Variants in COL4A3 observed in about 807,000 individuals in gnomAD.
The protein encoded by COL4A3 is collagen alpha-3(IV) chain.
Under a neutral mutation model 217.4 loss-of-function variants are expected in COL4A3, and 135 were observed. The observed-to-expected ratio is 0.62, with a 90% CI of 0.54 to 0.72. The LOEUF is 0.72. Among genes scored for constraint, COL4A3 ranks in the 30% least tolerant of loss-of-function variants. COL4A3 has a pLI of 0.00. For synonymous variants in COL4A3, 690 were observed against 736.3 expected, an observed-to-expected ratio of 0.94 and a Z score of 1.02; for missense variants, 1,868 against 2,119.9, an observed-to-expected ratio of 0.88 and a Z score of 2.33.
intron 1 of COL4A3, among the ~76,000 whole-genome samples, chr2:227,172,385 G>T (rs903793619): frequency 6.6e-6 from 1 of 152,088 alleles, no homozygotes; most frequent in Admixed American, 6.5e-5. Context: ...TGCTGGTAAG[G>T]GCCCTCTTTC....
chr2:227,272,907 A>T, intron 25 of COL4A3, 42 bp from the exon 26 acceptor site: 3 of 1,599,980 alleles, frequency 1.9e-6, no homozygotes, highest in Non-Finnish European at 2.6e-6. Flanking sequence ...GTAAGAATAT[A>T]CTGGAATGAA....
intron 1 of COL4A3, among the ~76,000 whole-genome samples, chr2:227,187,114 TTTC>T (rs2066061896): frequency 6.6e-6 from 1 of 152,212 alleles, no homozygotes; most frequent in Non-Finnish European, 1.5e-5. Flanking sequence ...CAGTAATTCA[TTTC>T]TTCTATCTTT....
At chr2:227,217,401 C>A (rs909959683) in intron 1 of COL4A3, among the ~76,000 whole-genome samples, 3 of 152,188 alleles carry the variant, frequency 2.0e-5, no homozygotes, top group Non-Finnish European at 4.4e-5. Flanking sequence ...TGTAAGCAAG[C>A]AATTTGTAAG....
chr2:227,264,471 T>G (rs1338195263), intron 21 of COL4A3, among the ~76,000 whole-genome samples: 1 of 152,030 alleles, frequency 6.6e-6, no homozygotes, highest in Non-Finnish European at 1.5e-5. Flanking sequence ...CGCATGGGTG[T>G]AAGGCAACAT....
At chr2:227,221,590 G>A (rs1472655744) in intron 1 of COL4A3, 1 of 152,074 alleles carries the variant, frequency 6.6e-6, no homozygotes, top group African/African-American at 2.4e-5. Flanking sequence ...CTCCTCAGGT[G>A]AGCCCTTTCG....
chr2:227,202,789 T>C (rs1268736296), intron 1 of COL4A3, among the ~76,000 whole-genome samples: 1 of 129,748 alleles, frequency 7.7e-6, no homozygotes, highest in African/African-American at 2.8e-5. Context: ...TATATACACA[T>C]GTGTATATAT....
chr2:227,263,818 C>A lies in COL4A3; in HGVS notation c.1189C>A (p.Pro397Thr). 6.2e-7 allele frequency: 1 copy of A among 1,613,958 alleles called. No homozygotes were observed. The highest frequency in any genetic ancestry group is 1.3e-5 in the African/African-American group (1 of 75,014). The change falls in exon 21 of 52, where the codon CCA becomes ACA. Residue 397 changes from proline (P) to threonine (T), a missense_variant. Coordinates refer to ENST00000396578, the MANE Select transcript of COL4A3 (RefSeq NM_000091.5). ...RPGLRGAPGWPGLKGSKGERG... is the reference protein window; with the variant it reads ...RPGLRGAPGWTGLKGSKGERG... Reference sequence around the variant, plus strand: ...TGGCCTCAGAGGAGCCCCTGGATGGCCAGGCCTGAAAGGAAGTAAAGGGGA... The same window carrying A: ...TGGCCTCAGAGGAGCCCCTGGATGGACAGGCCTGAAAGGAAGTAAAGGGGA...
At chr2:227,274,394 A>G (rs901170872) in intron 26 of COL4A3, among the ~76,000 whole-genome samples, 9 of 152,010 alleles carry the variant, frequency 5.9e-5, no homozygotes, top group Admixed American at 3.3e-4. Flanking sequence ...AAATGTATGC[A>G]TCATTTCTGT....
Position 227,313,157 on chromosome 2 carries a change from T to G in COL4A3, c.*1287T>G, listed in dbSNP as rs2073802515. 6.6e-6 allele frequency: 1 copy of G among 152,604 alleles called. No homozygotes were observed. Among genetic ancestry groups the G allele is most frequent in the South Asian group, 2.1e-4 (1 of 4,834 alleles). 9.5% of individuals were successfully genotyped at this position (152,604 alleles called of 1,614,324 possible). A position where few individuals can be genotyped will look rare whatever the true frequency, so the allele number is the denominator to read the frequency against. On this transcript the variant is annotated 3_prime_UTR_variant, in exon 52 of 52. Coordinates refer to ENST00000396578, the MANE Select transcript of COL4A3 (RefSeq NM_000091.5). ...CAGGCACTGTACTAACCTACAGAGA[T>G]GCTAAGAGAAAAAAAAGACTTGTTT...
At position 227,164,627 on chromosome 2, in the gene COL4A3, CTTT is replaced by C; in HGVS notation, c.-99_-97del. The C allele has an allele frequency of 6.7e-7, 1 of 1,503,542 alleles. No individual in the cohort carries two copies. Among genetic ancestry groups the C allele is most frequent in the Admixed American group, 2.0e-5 (1 of 50,668 alleles). 93.1% of individuals were successfully genotyped at this position (1,503,542 alleles called of 1,614,324 possible). ...CGCCCCGGCCGAGTGGCGAGGCGAGCTTTCCAGCCGGGCTCCCAGAGCCGCGCT... is the reference window on the plus strand; with the variant it reads ...CGCCCCGGCCGAGTGGCGAGGCGAGCCCAGCCGGGCTCCCAGAGCCGCGCT... On this transcript the variant is annotated 5_prime_UTR_variant, in exon 1 of 52. Coordinates refer to ENST00000396578, the MANE Select transcript of COL4A3 (RefSeq NM_000091.5). This position sits in a 1 kb window ranked among gnomAD's most constrained non-coding sequence, Gnocchi z 4.8.
intron 47 of COL4A3, among the ~76,000 whole-genome samples, chr2:227,306,970 G>C (rs1006813948): frequency 6.6e-6 from 1 of 152,158 alleles, no homozygotes; most frequent in African/African-American, 2.4e-5. Context: ...TGAAAGAAAG[G>C]AGAAGGAAGT....
intron 5 of COL4A3, 25 bp downstream of exon 5, chr2:227,245,020 C>A: frequency 6.2e-7 from 1 of 1,605,950 alleles, no homozygotes; most frequent in Non-Finnish European, 8.5e-7. Flanking sequence ...AAATCCGTAG[C>A]TAGAAAATTT....
At position 227,304,303 on chromosome 2, in the gene COL4A3, C is replaced by T. The variant is rs1298701059; in HGVS notation, c.4153+159C>T. The T allele has an allele frequency of 6.7e-6, 6 of 891,986 alleles. No individual in the cohort carries two copies. The East Asian group carries it at 1.6e-4, about 24-fold the overall frequency. 55.3% of individuals were successfully genotyped at this position (891,986 alleles called of 1,614,324 possible). A position where few individuals can be genotyped will look rare whatever the true frequency, so the allele number is the denominator to read the frequency against. ...AGGATTGAGCTCATTTTACCCTTGA[C>T]CAGCAAATAAAAGACCTTGGAATCT... On this transcript the variant is annotated intron_variant, in intron 46 of 51. Coordinates refer to ENST00000396578, the MANE Select transcript of COL4A3 (RefSeq NM_000091.5).
chr2:227,254,809 C>T lies in COL4A3; in HGVS notation c.888+94C>T, dbSNP rs1222517433. The T allele has an allele frequency of 1.3e-5, 12 of 900,444 alleles. No homozygotes were observed. In the Admixed American group the frequency reaches 2.2e-4, roughly 16 times the overall value. The allele number at this position is 900,444 out of a possible 1,614,324, so 55.8% of individuals were successfully genotyped here. ...GAACAAGATGCCCAACTCAAACTAG[C>T]TCAAGCTAAAAATTTCTGTTCTTTA... On this transcript the variant is annotated intron_variant, in intron 15 of 51. Coordinates refer to ENST00000396578, the MANE Select transcript of COL4A3 (RefSeq NM_000091.5).
chr2:227,228,069 GC>G (rs1468288969), intron 1 of COL4A3, among the ~76,000 whole-genome samples: 1 of 152,232 alleles, frequency 6.6e-6, no homozygotes, highest in Non-Finnish European at 1.5e-5. Context: ...TAATCTGTAT[GC>G]TTGCTGTCAT....
At chr2:227,168,306 G>A (rs1014920366) in intron 1 of COL4A3, among the ~76,000 whole-genome samples, 3 of 152,238 alleles carry the variant, frequency 2.0e-5, no homozygotes, top group African/African-American at 7.2e-5. Flanking sequence ...ATGTACCAGA[G>A]TGCCTGTTTC....
In COL4A3 at chr2:227,280,360, T is replaced by TA; in HGVS notation, c.2224-79dup. On this transcript the variant is annotated intron_variant, in intron 29 of 51. Coordinates refer to ENST00000396578, the MANE Select transcript of COL4A3 (RefSeq NM_000091.5). The stretch of plus-strand genomic sequence containing the variant: ...TGGTAGTGGCTGTGCAACAGGGACT[T>TA]AGAGCCTCCATAACAGAGAGTCAAT... The TA allele has an allele frequency of 2.0e-6, 3 of 1,535,088 alleles. No homozygotes were observed. In the South Asian group the frequency reaches 3.4e-5, roughly 17 times the overall value.
rs2072982837 is a variant in COL4A3 at position 227,295,313 on chromosome 2, C to T, written c.3562C>T (p.Gln1188Ter). The T allele has an allele frequency of 6.2e-7, 1 of 1,613,788 alleles. No individual in the cohort carries two copies. Among genetic ancestry groups the T allele is most frequent in the African/African-American group, 1.3e-5 (1 of 74,918 alleles). Residue 1188 changes from glutamine (Q) to a stop codon, truncating the protein, a stop_gained, in exon 41 of 52, where the codon CAA (glutamine) becomes TAA (stop). Coordinates refer to ENST00000396578, the MANE Select transcript of COL4A3 (RefSeq NM_000091.5). LOFTEE classifies it high-confidence loss of function. ...PPGPRGNPGA[Q>*]GAKGDRGAPG... is the part of the protein sequence containing the mutation. ...AGGCCCAAGAGGGAACCCTGGTGCT[C>T]AAGGTAAGCAGTTCTTCTTCCCTGT...
intron 46 of COL4A3, chr2:227,304,473 G>A (rs1171939404): frequency 2.9e-5 from 10 of 341,504 alleles, no homozygotes; most frequent in South Asian, 2.7e-4. Context: ...ATGATTGTCT[G>A]AATATACCTG....
Sources: allele counts gnomAD v4.1 joint callset (sites outside exome capture counted in the v4.1 genomes callset), GRCh38; gene constraint gnomAD v4.1.1; non-coding constraint Gnocchi (gnomAD v3.1); transcripts MANE v1.5; gene names NCBI Gene and HGNC (gene_info 2026-07-23, HGNC 2026-07-21).